The following C16orf78 variants were observed in gnomAD, a reference collection of about 807,000 sequenced individuals.
C16orf78 encodes chromosome 16 open reading frame 78, also known as uncharacterized protein C16orf78.
In C16orf78, 19 loss-of-function variants were observed where a neutral mutation model predicts 27.3. That is an observed-to-expected ratio of 0.70 (90% confidence interval 0.49 to 1.02). The LOEUF (loss-of-function observed/expected upper bound fraction) is 1.02. C16orf78 is among the 50% of genes least tolerant of loss of function. C16orf78 has a pLI of 0.00. For missense variants in C16orf78, 339 were observed against 337.0 expected (o/e 1.01, Z -0.05); for synonymous variants, 130 against 116.1 (o/e 1.12, Z -0.77).
intron 3 of C16orf78, among the ~76,000 whole-genome samples, chr16:49,386,618 G>A (rs1297304148): frequency 3.9e-5 from 6 of 151,972 alleles, no homozygotes; most frequent in Non-Finnish European, 8.8e-5. Flanking sequence ...CCTCAGGTAG[G>A]CCCCAGTTTC....
intron 3 of C16orf78, among the ~76,000 whole-genome samples, chr16:49,392,387 A>G (rs1316939985): frequency 1.3e-5 from 2 of 152,232 alleles, no homozygotes; most frequent in Non-Finnish European, 2.9e-5. Context: ...TAGAAGCAAC[A>G]TATTAGGAAG....
At chr16:49,393,513 C>T (rs1965438552) in intron 3 of C16orf78, among the ~76,000 whole-genome samples, 1 of 152,132 alleles carries the variant, frequency 6.6e-6, no homozygotes, top group South Asian at 2.1e-4. Flanking sequence ...AAACACACTT[C>T]CAAATTACCC....
intron 4 of C16orf78, among the ~76,000 whole-genome samples, 169 bp from the exon 5 acceptor site, chr16:49,398,962 G>T (rs1447406405): frequency 6.6e-6 from 1 of 152,156 alleles, no homozygotes; most frequent in Non-Finnish European, 1.5e-5. Context: ...CCTTTGTGGG[G>T]TGTCCCACTG....
intron 3 of C16orf78, among the ~76,000 whole-genome samples, chr16:49,388,889 T>C (rs1965379711): frequency 6.6e-6 from 1 of 152,152 alleles, no homozygotes; most frequent in Non-Finnish European, 1.5e-5. Context: ...CTTAACAAAT[T>C]CAAGAGGACT....
chr16:49,396,319 G>T (rs987575366), intron 3 of C16orf78, 104 bp from the exon 4 acceptor site: 1 of 1,317,602 alleles, frequency 7.6e-7, no homozygotes, highest in Non-Finnish European at 1.1e-6. Context: ...GAACAGGTAC[G>T]GTTTGAAGTC....
At chr16:49,384,124 G>A (rs753941416) in intron 3 of C16orf78, among the ~76,000 whole-genome samples, 1 of 152,148 alleles carries the variant, frequency 6.6e-6, no homozygotes, top group Non-Finnish European at 1.5e-5. Context: ...CAAGGCAGGT[G>A]GATCACCTGA....
intron 3 of C16orf78, among the ~76,000 whole-genome samples, chr16:49,381,248 A>G (rs1480012597): frequency 6.6e-6 from 1 of 152,142 alleles, no homozygotes; most frequent in Non-Finnish European, 1.5e-5. Context: ...CACAATATTG[A>G]TTCTTCCTAC....
chr16:49,380,561 C>T lies in C16orf78; in HGVS notation c.394+1968C>T, dbSNP rs148806587. ...TTGATTTCTCCTGAAACCTCTCACA[C>T]GAAGTCATTGTGTGTAAATACATTC... On this transcript the variant is annotated intron_variant, in intron 3 of 4. Coordinates refer to ENST00000299191, the MANE Select transcript of C16orf78 (RefSeq NM_144602.4). Among the ~76,000 whole-genome samples, 47 of 152,260 alleles carry T rather than the reference C, an allele frequency of 3.1e-4. No homozygotes were observed. The East Asian group carries it at 8.9e-3, about 29-fold the overall frequency.
intron 3 of C16orf78, among the ~76,000 whole-genome samples, chr16:49,382,707 G>A (rs1401889878): frequency 6.6e-6 from 1 of 152,132 alleles, no homozygotes; most frequent in Non-Finnish European, 1.5e-5. Context: ...GAGTCTGAGA[G>A]TGAACACCTC....
chr16:49,381,073 T>A (rs1965280576), intron 3 of C16orf78, among the ~76,000 whole-genome samples: 1 of 152,078 alleles, frequency 6.6e-6, no homozygotes, highest in Non-Finnish European at 1.5e-5. Flanking sequence ...GTGTGATGCC[T>A]CCAGCTTTGT....
At chr16:49,384,705 A>G (rs941718202) in intron 3 of C16orf78, among the ~76,000 whole-genome samples, 3 of 152,198 alleles carry the variant, frequency 2.0e-5, no homozygotes, top group African/African-American at 7.2e-5. Context: ...ATCATTCCCA[A>G]ATAGGTTGAA....
At position 49,378,634 on chromosome 16, in the gene C16orf78, C is replaced by T. The variant is rs773712675; in HGVS notation, c.394+41C>T. 4 of 1,611,206 alleles carry T rather than the reference C, an allele frequency of 2.5e-6. 1 individual carries two copies. The South Asian group carries it at 4.4e-5, about 18-fold the overall frequency. ...TGGCCCCGGCCACCAGAATCCTGCTCCATAATCTCCTCCTCTAGAAGAAAC... is the reference window on the plus strand; with the variant it reads ...TGGCCCCGGCCACCAGAATCCTGCTTCATAATCTCCTCCTCTAGAAGAAAC... On this transcript the variant is annotated intron_variant, in intron 3 of 4. Coordinates refer to ENST00000299191, the MANE Select transcript of C16orf78 (RefSeq NM_144602.4).
Position 49,388,409 on chromosome 16 carries a change from T to A in C16orf78, c.395-8014T>A, listed in dbSNP as rs536978537. Among the ~76,000 whole-genome samples, 4 of 152,330 alleles carry A rather than the reference T, an allele frequency of 2.6e-5. No individual in the cohort carries two copies. The East Asian group carries it at 7.7e-4, about 29-fold the overall frequency. On this transcript the variant is annotated intron_variant, in intron 3 of 4. Transcript: ENST00000299191. ...GTCCCAGAGATTCTGGTATATTGTA[T>A]CTTTATTTTCATCTGTTTCAAATAA...
At position 49,396,465 on chromosome 16, in the gene C16orf78, G is replaced by A. The variant is rs546860439; in HGVS notation, c.437G>A (p.Arg146Gln). Reference protein sequence around the residue: ...KDAVDPESTQRPNPFRRQSIV... With the variant: ...KDAVDPESTQQPNPFRRQSIV... Reference sequence around the variant, plus strand: ...GCAGTCGACCCAGAGTCCACTCAGCGGCCAAACCCATTCCGTCGACAAAGC... The same window carrying A: ...GCAGTCGACCCAGAGTCCACTCAGCAGCCAAACCCATTCCGTCGACAAAGC... The change falls in exon 4 of 5, where the codon CGG becomes CAG. Residue 146 changes from arginine (R) to glutamine (Q), a missense_variant. By Grantham distance (43) the Arg-to-Gln change is conservative. Coordinates refer to ENST00000299191, the MANE Select transcript of C16orf78 (RefSeq NM_144602.4). 1.6e-5 allele frequency: 26 copies of A among 1,614,126 alleles called. 1 individual carries two copies. The highest frequency in any genetic ancestry group is 1.4e-4 in the South Asian group (13 of 91,084).
chr16:49,392,243 G>T (rs1213198477), intron 3 of C16orf78, among the ~76,000 whole-genome samples: 1 of 152,156 alleles, frequency 6.6e-6, no homozygotes, highest in Non-Finnish European at 1.5e-5. Flanking sequence ...TAAGAGTAAA[G>T]ACCCCCATAA....
Position 49,374,103 on chromosome 16 carries a change from A to C in C16orf78, c.150+14A>C. 1.2e-6 allele frequency: 2 copies of C among 1,612,996 alleles called. No individual in the cohort carries two copies. The highest frequency in any genetic ancestry group is 4.5e-5 in the East Asian group (2 of 44,860). The stretch of plus-strand genomic sequence containing the variant: ...CAAGCTCCCGAGGTGGGTACCATCC[A>C]AGAGAAATGGCAGGAAGACTTTACT... On this transcript the variant is annotated intron_variant, in intron 1 of 4. Coordinates refer to ENST00000299191, the MANE Select transcript of C16orf78 (RefSeq NM_144602.4).
chr16:49,377,968 A>C, intron 2 of C16orf78, 118 bp downstream of exon 2: 1 of 1,353,736 alleles, frequency 7.4e-7, no homozygotes, highest in Admixed American at 2.6e-5. Flanking sequence ...TCCGAAATTC[A>C]CTCTGGCCCC....
intron 3 of C16orf78, among the ~76,000 whole-genome samples, chr16:49,391,880 G>A (rs1965416535): frequency 6.6e-6 from 1 of 152,148 alleles, no homozygotes; most frequent in Admixed American, 6.5e-5. Flanking sequence ...GATCCTCCCA[G>A]AGCATAGCGC....
chr16:49,399,041 A>C (rs1310511626), intron 4 of C16orf78, 90 bp from the exon 5 acceptor site: 7 of 1,399,792 alleles, frequency 5.0e-6, no homozygotes, highest in Non-Finnish European at 5.9e-6. Flanking sequence ...ACCCACACTT[A>C]CTGCTGCTCA....
Sources: gnomAD v4.1 joint callset for allele counts (sites outside exome capture counted in the v4.1 genomes callset) on GRCh38, gnomAD v4.1.1 for gene constraint, MANE v1.5 for transcripts, NCBI Gene and HGNC (gene_info 2026-07-23, HGNC 2026-07-21) for gene names.